PTPN3: variants seen among roughly 807,000 people sequenced by gnomAD.
PTPN3 encodes tyrosine-protein phosphatase non-receptor type 3.
Under a neutral mutation model 132.7 loss-of-function variants are expected in PTPN3, and 96 were observed. The observed-to-expected ratio is 0.72, with a 90% CI of 0.61 to 0.86. PTPN3 has a LOEUF of 0.86. Ranked by LOEUF, PTPN3 falls within the 40% of genes least tolerant of loss-of-function variation. The pLI, the probability that PTPN3 is intolerant of heterozygous loss-of-function variation, is 0.00. For synonymous variants in PTPN3, 398 were observed against 429.0 expected (o/e 0.93, Z 0.89); for missense variants, 1,125 against 1,159.6 (o/e 0.97, Z 0.43).
chr9:109,471,056 C>T (rs1043943847), intron 1 of PTPN3, among the ~76,000 whole-genome samples: 4 of 151,648 alleles, frequency 2.6e-5, no homozygotes, highest in African/African-American at 4.8e-5. Context: ...TTGGTACATA[C>T]GCATCTTTTT....
intron 5 of PTPN3, chr9:109,451,371 G>A: frequency 1.0e-6 from 1 of 971,530 alleles, no homozygotes; most frequent in Non-Finnish European, 1.2e-6. Context: ...CTCCACAACG[G>A]GATACCACCC....
intron 1 of PTPN3, among the ~76,000 whole-genome samples, chr9:109,490,540 C>G (rs1213660574): frequency 6.6e-6 from 1 of 152,148 alleles, no homozygotes; most frequent in African/African-American, 2.4e-5. Flanking sequence ...GAGTTGGAGA[C>G]CAGCCTGACC....
chr9:109,436,046 T>G (rs768679953), intron 9 of PTPN3, among the ~76,000 whole-genome samples: 2 of 152,250 alleles, frequency 1.3e-5, no homozygotes, highest in Non-Finnish European at 2.9e-5. Flanking sequence ...ATAACTAGAA[T>G]GTCGATTTCA....
intron 24 of PTPN3, 69 bp from the exon 25 acceptor site, chr9:109,381,856 T>G: frequency 5.8e-6 from 9 of 1,564,084 alleles, no homozygotes; most frequent in Non-Finnish European, 6.2e-6. Flanking sequence ...CAGCGAGCAG[T>G]TCCCCGCTGA....
intron 10 of PTPN3, among the ~76,000 whole-genome samples, chr9:109,429,957 G>A (rs535494220): frequency 3.9e-5 from 6 of 152,266 alleles, no homozygotes; most frequent in African/African-American, 1.4e-4. Context: ...AACTATTCAT[G>A]GGACATCCCC....
chr9:109,424,673 T>G (rs1481481858), intron 12 of PTPN3, among the ~76,000 whole-genome samples: 1 of 152,174 alleles, frequency 6.6e-6, no homozygotes, highest in Non-Finnish European at 1.5e-5. Flanking sequence ...ACACCAGGTA[T>G]GCAAGAGAAG....
At chr9:109,456,368 C>G (rs368055918) in intron 4 of PTPN3, among the ~76,000 whole-genome samples, 4 of 152,212 alleles carry the variant, frequency 2.6e-5, no homozygotes, top group Admixed American at 6.5e-5. Context: ...GCATTCAGAA[C>G]CCCAACACGG....
At chr9:109,508,981 G>T in the PTPN3 span, among the ~76,000 whole-genome samples, 430 of 152,240 alleles carry the variant, frequency 2.8e-3, 2 homozygotes, top group African/African-American at 9.7e-3. Context: ...ATTGCTTGAG[G>T]CCAGGAGTTT....
At position 109,404,438 on chromosome 9, in the gene PTPN3, A is replaced by T. The variant is rs751016866; in HGVS notation, c.1953+10T>A. 7.1e-7 allele frequency: 1 copy of T among 1,404,534 alleles called. No individual in the cohort carries two copies. The highest frequency in any genetic ancestry group is 1.9e-5 in the South Asian group (1 of 51,586). 87.0% of individuals were successfully genotyped at this position (1,404,534 alleles called of 1,614,324 possible). A position where few individuals can be genotyped will look rare whatever the true frequency, so the allele number is the denominator to read the frequency against. On this transcript the variant is annotated intron_variant, in intron 19 of 25. Transcript: ENST00000374541. ...CATGGCAGTGGGATTCAGCCTCCAG[A>T]GGGTCTTACCTCAAACTGGATCAGC... is the stretch of plus-strand genomic sequence containing the variant.
chr9:109,488,552 A>G (rs1300910327), intron 1 of PTPN3, among the ~76,000 whole-genome samples: 3 of 152,228 alleles, frequency 2.0e-5, no homozygotes, highest in African/African-American at 7.2e-5. Flanking sequence ...TAGAGTAATA[A>G]AAACACGACT....
the PTPN3 span, among the ~76,000 whole-genome samples, chr9:109,506,700 T>G: frequency 6.6e-6 from 1 of 152,120 alleles, no homozygotes; most frequent in Non-Finnish European, 1.5e-5. Context: ...CCTCCCAGGC[T>G]TAAGCAATCC....
At chr9:109,493,147 G>T (rs1847534042) in intron 1 of PTPN3, among the ~76,000 whole-genome samples, 1 of 152,222 alleles carries the variant, frequency 6.6e-6, no homozygotes, top group Non-Finnish European at 1.5e-5. Flanking sequence ...TCACGCCTGT[G>T]ATTCCAGCAC....
chr9:109,379,984 A>G (rs1006819622), intron 25 of PTPN3, among the ~76,000 whole-genome samples: 3 of 152,122 alleles, frequency 2.0e-5, no homozygotes, highest in South Asian at 4.1e-4. Context: ...CTGCTCCTGG[A>G]CTCAACACCT....
At chr9:109,439,964 T>C (rs1844335678) in intron 7 of PTPN3, among the ~76,000 whole-genome samples, 1 of 151,634 alleles carries the variant, frequency 6.6e-6, no homozygotes, top group African/African-American at 2.4e-5. Flanking sequence ...TTCAGCCTTG[T>C]TCACCTAACT....
chr9:109,484,131 A>G (rs1180006117), intron 1 of PTPN3, among the ~76,000 whole-genome samples: 1 of 152,134 alleles, frequency 6.6e-6, no homozygotes, highest in African/African-American at 2.4e-5. Context: ...CCTCAGGCAG[A>G]ATTGCCTGAG....
chr9:109,499,850 C>T (rs1023547917), upstream of PTPN3, among the ~76,000 whole-genome samples: 1 of 152,198 alleles, frequency 6.6e-6, no homozygotes, highest in Non-Finnish European at 1.5e-5. Flanking sequence ...CCGCCCGCGC[C>T]CCGCCCGGCC....
chr9:109,390,699 T>G (rs759518698), intron 21 of PTPN3, among the ~76,000 whole-genome samples: 4 of 152,188 alleles, frequency 2.6e-5, no homozygotes, highest in African/African-American at 9.6e-5. Context: ...GCTTTTCCCA[T>G]AACATGTGAA....
chr9:109,511,018 C>G, the PTPN3 span, among the ~76,000 whole-genome samples: 1 of 151,904 alleles, frequency 6.6e-6, no homozygotes, highest in South Asian at 2.1e-4. Flanking sequence ...ATATCAAACA[C>G]AAAACTTTAA....
chr9:109,411,613 C>T (rs1346097496), intron 14 of PTPN3, among the ~76,000 whole-genome samples: 1 of 152,174 alleles, frequency 6.6e-6, no homozygotes, highest in Admixed American at 6.5e-5. Context: ...GGGAGAAGCG[C>T]AGAGACCAAG....
Sources: gnomAD v4.1 joint callset for allele counts (sites outside exome capture counted in the v4.1 genomes callset) on GRCh38, gnomAD v4.1.1 for gene constraint, MANE v1.5 for transcripts, NCBI Gene and HGNC (gene_info 2026-07-23, HGNC 2026-07-21) for gene names.